The following TRIM36 variants were observed in gnomAD, a reference collection of about 807,000 sequenced individuals.
The protein encoded by TRIM36 is tripartite motif containing 36, also known as E3 ubiquitin-protein ligase TRIM36.
In TRIM36, 42 loss-of-function variants were observed where a neutral mutation model predicts 72.4. That is an observed-to-expected ratio of 0.58 (90% confidence interval 0.45 to 0.75). The LOEUF (loss-of-function observed/expected upper bound fraction) is 0.75. Ranked by LOEUF, TRIM36 falls within the 30% of genes least tolerant of loss-of-function variation. The pLI is 0.00. For missense variants in TRIM36, 913 were observed against 857.1 expected, an observed-to-expected ratio of 1.07 and a Z score of -0.81; for synonymous variants, 315 against 282.8, an observed-to-expected ratio of 1.11 and a Z score of -1.14.
intron 4 of TRIM36, among the ~76,000 whole-genome samples, chr5:115,143,108 T>G (rs1210003511): frequency 6.6e-6 from 1 of 151,538 alleles, no homozygotes; most frequent in African/African-American, 2.4e-5. Context: ...TCATCAACTC[T>G]TGTGTGTGAG....
chr5:115,171,365 T>C, upstream of TRIM36: 1 of 1,226,506 alleles, frequency 8.2e-7, no homozygotes, highest in Non-Finnish European at 1.1e-6. Flanking sequence ...TCCGGATTAA[T>C]GCCCGTTGCG....
intron 4 of TRIM36, among the ~76,000 whole-genome samples, chr5:115,141,577 A>C (rs1753279034): frequency 6.6e-6 from 1 of 152,236 alleles, no homozygotes; most frequent in South Asian, 2.1e-4. Context: ...TGTATGAAAG[A>C]TTAAAATCAG....
At chr5:115,159,720 A>G in intron 2 of TRIM36, 1 of 444,836 alleles carries the variant, frequency 2.2e-6, no homozygotes, top group South Asian at 1.6e-5. Flanking sequence ...TTCAAAGAGA[A>G]GATTCACAAC....
upstream of TRIM36, among the ~76,000 whole-genome samples, chr5:115,170,467 G>A (rs1357034040): frequency 1.3e-5 from 2 of 152,144 alleles, no homozygotes; most frequent in Non-Finnish European, 2.9e-5. Context: ...GCAGAGCTGC[G>A]CGAGGCGACC....
At chr5:115,135,030 T>C (rs1279859791) in intron 7 of TRIM36, among the ~76,000 whole-genome samples, 1 of 150,458 alleles carries the variant, frequency 6.6e-6, no homozygotes, top group African/African-American at 2.4e-5. Flanking sequence ...CGCCAGTATT[T>C]TCCCCCTCAA....
At chr5:115,173,035 G>A (rs1201665138), upstream of TRIM36, among the ~76,000 whole-genome samples, 1 of 152,066 alleles carries the variant, frequency 6.6e-6, no homozygotes, top group Non-Finnish European at 1.5e-5. Context: ...AGACAAATAC[G>A]AAAACTGCCA....
In TRIM36 at chr5:115,163,560, G is replaced by C; in HGVS notation, c.220C>G (p.Pro74Ala). Residue 74 changes from proline (P) to alanine (A), a missense_variant, in exon 2 of 10, where the codon CCC becomes GCC. Physicochemically the swap from Pro to Ala is conservative, Grantham distance 27. Coordinates refer to ENST00000513154, the MANE Select transcript of TRIM36 (RefSeq NM_001300759.2). Reference sequence around the variant, plus strand: ...TCAATTTTATCCATACTAGGGGAGGGGAGCCGAAGTCGAGGACTGCTTTGA... The same window carrying C: ...TCAATTTTATCCATACTAGGGGAGGCGAGCCGAAGTCGAGGACTGCTTTGA... ...SNQSSPRLRLPSPSMDKIDRI... is the reference protein window; with the variant it reads ...SNQSSPRLRLASPSMDKIDRI... 6.2e-7 allele frequency: 1 copy of C among 1,614,170 alleles called. No individual in the cohort carries two copies.
intron 4 of TRIM36, 41 bp downstream of exon 4, chr5:115,144,557 G>A (rs200096393): frequency 1.4e-4 from 223 of 1,610,892 alleles, no homozygotes; most frequent in Middle Eastern, 1.6e-4. Context: ...ATAAAGTAAA[G>A]TTACGAAGAA....
Position 115,147,299 on chromosome 5 carries a change from G to C in TRIM36, c.358C>G (p.Leu120Val), listed in dbSNP as rs764111507. Residue 120 changes from leucine (L) to valine (V), a missense_variant, in exon 3 of 10, where the codon CTG becomes GTG. Physicochemically the swap from Leu to Val is conservative, Grantham distance 32. Transcript: ENST00000513154. ...GTTTCCAAAGTGAAGTTTCGAAACA[G>C]ACCATTGATTCCTCGTTCTCCAAGA... ...VDLGERGING[L>V]FRNFTLETIV... The C allele has an allele frequency of 2.5e-5, 40 of 1,614,186 alleles. No homozygotes were observed. In the East Asian group the frequency reaches 8.9e-4, roughly 36 times the overall value.
At chr5:115,172,645 A>G (rs1381232481), upstream of TRIM36, among the ~76,000 whole-genome samples, 1 of 152,126 alleles carries the variant, frequency 6.6e-6, no homozygotes, top group Non-Finnish European at 1.5e-5. Context: ...CTGAGGCAGG[A>G]GAATCACTTG....
chr5:115,170,070 G>C, upstream of TRIM36: 1 of 745,196 alleles, frequency 1.3e-6, no homozygotes, highest in Non-Finnish European at 1.6e-6. Context: ...AGCGGGACTC[G>C]GCTGGGCGTG....
At chr5:115,177,440 A>G in intron 1 of TRIM36, 1 of 975,380 alleles carries the variant, frequency 1.0e-6, no homozygotes, top group South Asian at 2.9e-5. Context: ...AACTCTCATA[A>G]TTAGACCAGT....
intron 2 of TRIM36, among the ~76,000 whole-genome samples, chr5:115,151,990 C>G (rs1235186228): frequency 1.3e-5 from 2 of 152,132 alleles, no homozygotes; most frequent in Admixed American, 1.3e-4. Flanking sequence ...AAAAATCACA[C>G]TAGCTCACCA....
intron 2 of TRIM36, among the ~76,000 whole-genome samples, chr5:115,161,821 T>A (rs1004324424): frequency 3.3e-5 from 5 of 151,822 alleles, no homozygotes; most frequent in Non-Finnish European, 7.4e-5. Flanking sequence ...ATTTATTGTC[T>A]CCATATTTAC....
At chr5:115,132,427 T>C (rs1401266912) in intron 8 of TRIM36, among the ~76,000 whole-genome samples, 2 of 151,034 alleles carry the variant, frequency 1.3e-5, no homozygotes, top group Admixed American at 1.3e-4. Flanking sequence ...CAGCTACTAC[T>C]CAGGAAGCTG....
chr5:115,130,583 A>G lies in TRIM36; in HGVS notation c.1796+9T>C, dbSNP rs750588596. On this transcript the variant is annotated intron_variant, in intron 9 of 9. Coordinates refer to ENST00000513154, the MANE Select transcript of TRIM36 (RefSeq NM_001300759.2). ...AATTATCAAGTTCTAGATCAATACA[A>G]AAACCTACCTTGGACTAACTGCATC... 2 of 1,609,496 alleles carry G rather than the reference A, an allele frequency of 1.2e-6. No homozygotes were observed. The highest frequency in any genetic ancestry group is 1.7e-5 in the Admixed American group (1 of 59,214).
intron 2 of TRIM36, among the ~76,000 whole-genome samples, chr5:115,157,551 C>T (rs769970196): frequency 6.6e-5 from 10 of 151,544 alleles, no homozygotes; most frequent in Admixed American, 1.3e-4. Flanking sequence ...GCGACAACAG[C>T]GAAACTCTAT....
intron 2 of TRIM36, among the ~76,000 whole-genome samples, chr5:115,155,372 T>C (rs62381521): frequency 0.29 from 43,943 of 151,926 alleles, 6,467 homozygotes; most frequent in Middle Eastern, 0.33. Flanking sequence ...AAAAATAAAC[T>C]ACGGACCAAT....
chr5:115,179,902 C>T (rs747489434), intron 1 of TRIM36: 1 of 1,451,482 alleles, frequency 6.9e-7, no homozygotes, highest in Non-Finnish European at 9.6e-7. Flanking sequence ...TGGACACGGA[C>T]GCCCACAGTG....
Sources: allele counts gnomAD v4.1 joint callset (sites outside exome capture counted in the v4.1 genomes callset), GRCh38; gene constraint gnomAD v4.1.1; transcripts MANE v1.5; gene names NCBI Gene and HGNC (gene_info 2026-07-23, HGNC 2026-07-21).